Variants in LRP1B observed in about 807,000 individuals in gnomAD.
LRP1B encodes the protein low-density lipoprotein receptor-related protein 1B.
In LRP1B, 217 loss-of-function variants were observed where a neutral mutation model predicts 556.6. The observed-to-expected ratio is 0.39, with a 90% CI of 0.35 to 0.44. The LOEUF is 0.44. Among genes scored for constraint, LRP1B ranks in the 20% least tolerant of loss-of-function variants. The pLI is 1.00. For missense variants in LRP1B, 5,053 were observed against 5,620.8 expected (o/e 0.90, Z 3.23); for synonymous variants, 2,047 against 1,865.8 (o/e 1.10, Z -2.50).
chr2:141,754,223 C>G (rs1183312779), intron 2 of LRP1B, among the ~76,000 whole-genome samples: 3 of 151,750 alleles, frequency 2.0e-5, no homozygotes, highest in African/African-American at 7.3e-5. Flanking sequence ...CATTTTTGAC[C>G]TCTAACATTT....
chr2:141,277,790 T>G (rs1218073417), intron 3 of LRP1B, among the ~76,000 whole-genome samples: 1 of 151,838 alleles, frequency 6.6e-6, no homozygotes, highest in East Asian at 1.9e-4. Flanking sequence ...CCAATTATTA[T>G]TTAGAAGTGG....
chr2:140,623,358 A>G (rs1683525036), intron 41 of LRP1B, among the ~76,000 whole-genome samples: 1 of 152,218 alleles, frequency 6.6e-6, no homozygotes, highest in Non-Finnish European at 1.5e-5. Context: ...CAAAACTAGA[A>G]TATTTTAGAA....
chr2:141,529,306 G>A (rs1684794365), intron 2 of LRP1B, among the ~76,000 whole-genome samples: 1 of 152,202 alleles, frequency 6.6e-6, no homozygotes, highest in Admixed American at 6.5e-5. Context: ...TAGCTGACGT[G>A]TATATTTCTT....
intron 1 of LRP1B, among the ~76,000 whole-genome samples, chr2:141,961,579 G>T (rs1274385333): frequency 6.6e-6 from 1 of 151,322 alleles, no homozygotes; most frequent in African/African-American, 2.4e-5. Context: ...ACAACAGTAA[G>T]AAAGTGAGAT....
At chr2:140,985,443 A>G (rs1050826947) in intron 17 of LRP1B, among the ~76,000 whole-genome samples, 1 of 151,276 alleles carries the variant, frequency 6.6e-6, no homozygotes, top group Non-Finnish European at 1.5e-5. Flanking sequence ...CCAGAGCGCT[A>G]TGGTGGGGAG....
chr2:140,270,620 A>G (rs970883088), intron 85 of LRP1B, among the ~76,000 whole-genome samples: 1 of 151,948 alleles, frequency 6.6e-6, no homozygotes, highest in Non-Finnish European at 1.5e-5. Context: ...GTGAAAAAAT[A>G]TACTCTAATA....
chr2:141,682,982 C>T (rs1226012903), intron 2 of LRP1B, among the ~76,000 whole-genome samples: 3 of 152,094 alleles, frequency 2.0e-5, no homozygotes, highest in African/African-American at 7.2e-5. Flanking sequence ...TCTTGCTGGT[C>T]TTTGCATCCT....
intron 3 of LRP1B, among the ~76,000 whole-genome samples, chr2:141,376,087 T>G (rs1689422783): frequency 6.6e-6 from 1 of 152,074 alleles, no homozygotes; most frequent in South Asian, 2.1e-4. Flanking sequence ...CCCTTCTCCC[T>G]CCTTGGAGCA....
At chr2:141,302,805 T>C (rs2679455) in intron 3 of LRP1B, among the ~76,000 whole-genome samples, 19,321 of 152,132 alleles carry the variant, frequency 0.13, 1,279 homozygotes, top group South Asian at 0.22. Context: ...TAGATGATCA[T>C]GTTATACATG....
chr2:141,916,378 T>TATTTATTTATTG (rs965889970), intron 1 of LRP1B, among the ~76,000 whole-genome samples: 1 of 151,612 alleles, frequency 6.6e-6, no homozygotes, highest in African/African-American at 2.4e-5. Context: ...TTTATTTATT[T>TATTTATTTATTG]ATTTGAGACG....
At position 140,532,947 on chromosome 2, in the gene LRP1B, T is replaced by TATATATACACAC; in HGVS notation, c.7762+1073_7762+1074insGTGTGTATATAT. On this transcript the variant is annotated intron_variant, in intron 47 of 90. Transcript: ENST00000389484. The stretch of plus-strand genomic sequence containing the variant: ...AGCACAAGATATATATATATATATA[T>TATATATACACAC]ACACATATATATCTCGATCTGTTTA... 3.9e-4 allele frequency among the ~76,000 whole-genome samples: 49 copies of TATATATACACAC among 124,280 alleles called. 1 individual carries two copies. Among genetic ancestry groups the TATATATACACAC allele is most frequent in the African/African-American group, 1.3e-3 (42 of 31,454 alleles). The allele number at this position is 124,280 out of a possible 152,430, so 81.5% of individuals were successfully genotyped here. A position where few individuals can be genotyped will look rare whatever the true frequency, so the allele number is the denominator to read the frequency against.
At chr2:142,066,694 A>G (rs1456137579) in intron 1 of LRP1B, among the ~76,000 whole-genome samples, 2 of 151,418 alleles carry the variant, frequency 1.3e-5, no homozygotes, top group Non-Finnish European at 3.0e-5. Flanking sequence ...TCTGTTCAGC[A>G]CAATCTAGTA....
chr2:141,499,619 G>A (rs539856332), intron 2 of LRP1B, among the ~76,000 whole-genome samples: 1 of 152,082 alleles, frequency 6.6e-6, no homozygotes, highest in South Asian at 2.1e-4. Flanking sequence ...TTATTTAAAT[G>A]AAGACTCAGA....
Position 140,702,122 on chromosome 2 carries a change from TTA to T in LRP1B, c.6302+17_6302+18del, listed in dbSNP as rs752086522. The T allele has an allele frequency of 1.2e-6, 2 of 1,610,330 alleles. No homozygotes were observed. Among genetic ancestry groups the T allele is most frequent in the African/African-American group, 2.7e-5 (2 of 74,640 alleles). ...AAATAACATTTTGAGACTCAAATAC[TTA>T]TGAAAAAATAAATTACCTGTCAGAC... On this transcript the variant is annotated intron_variant, in intron 39 of 90. Transcript: ENST00000389484.
intron 3 of LRP1B, among the ~76,000 whole-genome samples, chr2:141,446,419 A>G (rs1281575135): frequency 6.6e-6 from 1 of 152,162 alleles, no homozygotes; most frequent in Non-Finnish European, 1.5e-5. Flanking sequence ...ATTTAAGGTT[A>G]ATATTGTTAC....
intron 2 of LRP1B, among the ~76,000 whole-genome samples, chr2:141,528,467 A>C (rs145396070): frequency 6.6e-6 from 1 of 152,194 alleles, no homozygotes; most frequent in East Asian, 1.9e-4. Context: ...AAGAAAGCCA[A>C]AGTTTGTCTA....
chr2:141,832,834 ACT>A (rs1269788303), intron 1 of LRP1B, among the ~76,000 whole-genome samples: 1 of 151,744 alleles, frequency 6.6e-6, no homozygotes, highest in Non-Finnish European at 1.5e-5. Flanking sequence ...TCAAACTAAA[ACT>A]CTATTTGTTT....
chr2:140,428,861 T>C (rs553401797), intron 66 of LRP1B, among the ~76,000 whole-genome samples: 21 of 152,028 alleles, frequency 1.4e-4, no homozygotes, highest in East Asian at 9.7e-4. Flanking sequence ...TTAAGCACTC[T>C]TTTTTAGTTA....
At chr2:140,609,826 A>G (rs1221396240) in intron 41 of LRP1B, among the ~76,000 whole-genome samples, 1 of 152,182 alleles carries the variant, frequency 6.6e-6, no homozygotes, top group Non-Finnish European at 1.5e-5. Context: ...CATTCTTGTC[A>G]ATTCATTCTC....
Sources: gnomAD v4.1 joint callset for allele counts (sites outside exome capture counted in the v4.1 genomes callset) on GRCh38, gnomAD v4.1.1 for gene constraint, MANE v1.5 for transcripts, NCBI Gene and HGNC (gene_info 2026-07-23, HGNC 2026-07-21) for gene names.